The following ADAMTS20 variants were observed in gnomAD, a reference collection of about 807,000 sequenced individuals.
The protein encoded by ADAMTS20 is ADAM metallopeptidase with thrombospondin type 1 motif 20.
A neutral mutation model predicts 260.1 loss-of-function variants in ADAMTS20; 225 were observed. The observed-to-expected ratio is 0.87, with a 90% CI of 0.78 to 0.97. ADAMTS20 has a LOEUF of 0.97. Among genes scored for constraint, ADAMTS20 ranks in the 50% least tolerant of loss-of-function variants. The probability of loss-of-function intolerance (pLI) is 0.00; values close to 1 mark genes in which losing one functional copy is unlikely to be tolerated. For missense variants in ADAMTS20, 2,400 were observed against 2,337.7 expected, an observed-to-expected ratio of 1.03 and a Z score of -0.55; for synonymous variants, 802 against 769.5, an observed-to-expected ratio of 1.04 and a Z score of -0.70.
rs189005656 is a variant in ADAMTS20, at chr12:43,382,669, A to T, written c.4797+889T>A. Among the ~76,000 whole-genome samples, 165 of 152,258 alleles carry T rather than the reference A, an allele frequency of 1.1e-3. 1 individual carries two copies. The highest frequency in any genetic ancestry group is 3.4e-3 in the African/African-American group (142 of 41,568). ...AGAAGATGTTAAAAAGATAATTTTT[A>T]AAAAAATTCAAGAAAAAAATAAAAT... On this transcript the variant is annotated intron_variant, in intron 31 of 38. Coordinates refer to ENST00000389420, the MANE Select transcript of ADAMTS20 (RefSeq NM_025003.5).
intron 38 of ADAMTS20, 89 bp from the exon 39 acceptor site, chr12:43,354,387 A>G: frequency 1.1e-6 from 1 of 910,252 alleles, no homozygotes; most frequent in Non-Finnish European, 1.7e-6. Context: ...TTTGAATCAT[A>G]TGGCTAAAAT....
chr12:43,439,223 T>C (rs1006533324), intron 18 of ADAMTS20, among the ~76,000 whole-genome samples: 15 of 152,180 alleles, frequency 9.9e-5, no homozygotes, highest in Non-Finnish European at 1.6e-4. Context: ...AAAAGAATGT[T>C]TGATATCTCA....
rs201587315 is a variant in ADAMTS20, at chr12:43,376,053, G to A, written c.5312+4C>T. 1.8e-5 allele frequency: 28 copies of A among 1,593,856 alleles called. No individual in the cohort carries two copies. Among genetic ancestry groups the A allele is most frequent in the South Asian group, 2.3e-5 (2 of 86,546 alleles). ...GCTCAGATAGACCAAAACACATCTC[G>A]TACCTAAAGCCATACACTTCAGAAA... On this transcript the variant is annotated splice_donor_region_variant and intron_variant, in intron 35 of 38. Coordinates refer to ENST00000389420, the MANE Select transcript of ADAMTS20 (RefSeq NM_025003.5).
intron 37 of ADAMTS20, among the ~76,000 whole-genome samples, chr12:43,365,513 A>T (rs1939964319): frequency 6.6e-6 from 1 of 152,012 alleles, no homozygotes; most frequent in East Asian, 1.9e-4. Flanking sequence ...ATGGAAGCAA[A>T]GCTGTTTTAG....
In ADAMTS20 at chr12:43,354,177, C is replaced by G; in HGVS notation, c.*32G>C. Reference sequence around the variant, plus strand: ...ATTTGAATATTCCAGAGAATATCCCCTCTTTAGGGCATACTTCCCCCTTCT... The same window carrying G: ...ATTTGAATATTCCAGAGAATATCCCGTCTTTAGGGCATACTTCCCCCTTCT... On this transcript the variant is annotated 3_prime_UTR_variant, in exon 39 of 39. Transcript: ENST00000389420. 6.9e-7 allele frequency: 1 copy of G among 1,458,116 alleles called. No individual in the cohort carries two copies. The highest frequency in any genetic ancestry group is 2.4e-5 in the East Asian group (1 of 41,100). The allele number at this position is 1,458,116 out of a possible 1,614,324, so 90.3% of individuals were successfully genotyped here.
chr12:43,511,314 T>G (rs1942921332), intron 3 of ADAMTS20, among the ~76,000 whole-genome samples: 1 of 152,024 alleles, frequency 6.6e-6, no homozygotes, highest in Non-Finnish European at 1.5e-5. Context: ...TCATCCCTAT[T>G]TAGGATGAGA....
chr12:43,415,688 A>C (rs530727618), intron 28 of ADAMTS20, among the ~76,000 whole-genome samples: 6 of 152,236 alleles, frequency 3.9e-5, no homozygotes, highest in Non-Finnish European at 7.3e-5. Flanking sequence ...TCACTGAATA[A>C]AACAGGAGTC....
At chr12:43,391,576 G>T (rs1369325890) in intron 29 of ADAMTS20, among the ~76,000 whole-genome samples, 1 of 152,094 alleles carries the variant, frequency 6.6e-6, no homozygotes, top group African/African-American at 2.4e-5. Context: ...TTTAATTTGT[G>T]AGTTTCATTG....
At chr12:43,431,848 AC>A (rs1263063248) in intron 21 of ADAMTS20, among the ~76,000 whole-genome samples, 4 of 152,116 alleles carry the variant, frequency 2.6e-5, no homozygotes, top group African/African-American at 4.8e-5. Context: ...TAGTATAAAG[AC>A]AAACTATCTT....
chr12:43,548,636 T>C (rs1943472201), intron 2 of ADAMTS20, among the ~76,000 whole-genome samples: 1 of 152,150 alleles, frequency 6.6e-6, no homozygotes, highest in African/African-American at 2.4e-5. Flanking sequence ...GTTTTAGTGC[T>C]AATATAAAAA....
Position 43,502,181 on chromosome 12 carries a change from G to T in ADAMTS20, c.838C>A (p.Gln280Lys), listed in dbSNP as rs752342756. ...KVVSAHGSNLQNYILTLMSIV... is the reference protein window; with the variant it reads ...KVVSAHGSNLKNYILTLMSIV... ...GACATTAGAGTCAGTATATAGTTTT[G>T]CAAATTCGATCCATGAGCAGAAACC... Residue 280 changes from glutamine (Q) to lysine (K), a missense_variant, in exon 4 of 39, where the codon CAA becomes AAA. Gln to Lys is a moderately conservative substitution (Grantham distance 53, BLOSUM62 1). Coordinates refer to ENST00000389420, the MANE Select transcript of ADAMTS20 (RefSeq NM_025003.5). The T allele has an allele frequency of 1.2e-5, 20 of 1,604,762 alleles. No homozygotes were observed. The highest frequency in any genetic ancestry group is 1.4e-5 in the Non-Finnish European group (17 of 1,176,156).
At chr12:43,529,599 G>A (rs1385184500) in intron 3 of ADAMTS20, among the ~76,000 whole-genome samples, 2 of 152,070 alleles carry the variant, frequency 1.3e-5, no homozygotes, top group Non-Finnish European at 2.9e-5. Context: ...TGGGAGCTAC[G>A]CTATGAGTAT....
At chr12:43,428,600 T>C (rs1474091569) in intron 25 of ADAMTS20, 35 bp downstream of exon 25, 2 of 1,473,108 alleles carry the variant, frequency 1.4e-6, no homozygotes, top group African/African-American at 2.9e-5. Context: ...ATATTTAAAT[T>C]TTTCATTTTC....
chr12:43,421,942 T>C (rs1025966277), intron 28 of ADAMTS20, among the ~76,000 whole-genome samples: 5 of 152,010 alleles, frequency 3.3e-5, no homozygotes, highest in Non-Finnish European at 7.4e-5. Flanking sequence ...GAGGCATTCC[T>C]TATATTAATA....
Position 43,504,691 on chromosome 12 carries a change from G to A in ADAMTS20, c.614-2286C>T, listed in dbSNP as rs572645563. On this transcript the variant is annotated intron_variant, in intron 3 of 38. Transcript: ENST00000389420. Reference sequence around the variant, plus strand: ...CTAATCCATATCAGGAAACATTTAGGTATTGAGGAGCAAATAGCACCTCAT... The same window carrying A: ...CTAATCCATATCAGGAAACATTTAGATATTGAGGAGCAAATAGCACCTCAT... Among the ~76,000 whole-genome samples, 4 of 152,208 alleles carry A rather than the reference G, an allele frequency of 2.6e-5. No homozygotes were observed. In the East Asian group the frequency reaches 7.7e-4, roughly 29 times the overall value.
Position 43,375,473 on chromosome 12 carries a change from TCTA to T in ADAMTS20, c.5349_5351del (p.Ser1783del). On this transcript the variant is annotated inframe_deletion, in exon 36 of 39. Transcript: ENST00000389420. ...CATTGTCACATTCACAGTCTTCCCT[TCTA>T]CTCCCATTAAAAGGACATTGATATG... 1 of 1,612,942 alleles carries T rather than the reference TCTA, an allele frequency of 6.2e-7. No homozygotes were observed. Among genetic ancestry groups the T allele is most frequent in the Non-Finnish European group, 8.5e-7 (1 of 1,179,150 alleles).
At position 43,464,893 on chromosome 12, in the gene ADAMTS20, C is replaced by T. The variant is rs1302394995; in HGVS notation, c.1368-161G>A. Among the ~76,000 whole-genome samples the T allele has an allele frequency of 6.6e-5, 10 of 152,026 alleles. No homozygotes were observed. In the South Asian group the frequency reaches 1.0e-3, roughly 16 times the overall value. ...ACATCAATATCAGTATAGCAATGTT[C>T]GTACACATAAGGATGACCTCACAGT... On this transcript the variant is annotated intron_variant, in intron 9 of 38. Transcript: ENST00000389420.
intron 30 of ADAMTS20, 34 bp downstream of exon 30, chr12:43,383,770 C>T (rs1565674309): frequency 6.2e-7 from 1 of 1,613,352 alleles, no homozygotes; most frequent in Non-Finnish European, 8.5e-7. Flanking sequence ...TTCTTATATG[C>T]AGTGTCTTTG....
intron 37 of ADAMTS20, among the ~76,000 whole-genome samples, chr12:43,368,369 G>T (rs1424567207): frequency 6.6e-6 from 1 of 151,956 alleles, no homozygotes; most frequent in East Asian, 1.9e-4. Flanking sequence ...TTGAGTTTCT[G>T]GACCTAAGTT....
Sources: gnomAD v4.1 joint callset for allele counts (sites outside exome capture counted in the v4.1 genomes callset) on GRCh38, gnomAD v4.1.1 for gene constraint, MANE v1.5 for transcripts, NCBI Gene and HGNC (gene_info 2026-07-23, HGNC 2026-07-21) for gene names.